The following NRG3 variants were observed in gnomAD, a reference collection of about 807,000 sequenced individuals.
NRG3 encodes neuregulin 3, also known as pro-neuregulin-3, membrane-bound isoform.
Under a neutral mutation model 66.9 loss-of-function variants are expected in NRG3, and 31 were observed. The observed-to-expected ratio is 0.46, with a 90% CI of 0.35 to 0.63. The LOEUF (loss-of-function observed/expected upper bound fraction) is 0.63. NRG3 is among the 20% of genes least tolerant of loss of function. The probability of loss-of-function intolerance (pLI) is 0.00; values close to 1 mark genes in which losing one functional copy is unlikely to be tolerated. For missense variants in NRG3, 910 were observed against 878.9 expected, an observed-to-expected ratio of 1.04 and a Z score of -0.45; for synonymous variants, 393 against 359.4, an observed-to-expected ratio of 1.09 and a Z score of -1.06.
At chr10:82,194,202 A>G (rs1436806883) in intron 1 of NRG3, among the ~76,000 whole-genome samples, 1 of 152,102 alleles carries the variant, frequency 6.6e-6, no homozygotes. Flanking sequence ...TTTAGGCTAC[A>G]TATATGATAT....
chr10:82,299,547 C>CTG (rs1335112916), intron 1 of NRG3, among the ~76,000 whole-genome samples: 1 of 104,938 alleles, frequency 9.5e-6, no homozygotes, highest in African/African-American at 7.4e-5. Context: ...CAATCCAGCC[C>CTG]TGTTTTTTTT....
chr10:82,160,591 T>G (rs1041306406), intron 1 of NRG3, among the ~76,000 whole-genome samples: 1 of 151,876 alleles, frequency 6.6e-6, no homozygotes, highest in African/African-American at 2.4e-5. Context: ...AAGGCATAGT[T>G]CTCTGTTTGC....
chr10:82,946,088 G>C (rs1848990070), intron 4 of NRG3, among the ~76,000 whole-genome samples: 1 of 151,808 alleles, frequency 6.6e-6, no homozygotes, highest in South Asian at 2.1e-4. Context: ...GTGCTGAGGA[G>C]ATAATGATGA....
chr10:82,803,117 T>G (rs1468425373), intron 3 of NRG3, among the ~76,000 whole-genome samples: 1 of 152,154 alleles, frequency 6.6e-6, no homozygotes, highest in East Asian at 1.9e-4. Flanking sequence ...GGGAGGAATT[T>G]TGCATTCAGA....
At chr10:82,333,153 T>C (rs2082220497) in intron 1 of NRG3, among the ~76,000 whole-genome samples, 1 of 152,184 alleles carries the variant, frequency 6.6e-6, no homozygotes, top group Non-Finnish European at 1.5e-5. Flanking sequence ...TGTCTTTTTA[T>C]TCTATATTCG....
chr10:82,843,198 CAT>C (rs1438674730), intron 3 of NRG3: 8 of 448,422 alleles, frequency 1.8e-5, no homozygotes, highest in African/African-American at 1.0e-4. Flanking sequence ...CTCCACAACT[CAT>C]GTGGAAATTT....
intron 2 of NRG3, among the ~76,000 whole-genome samples, chr10:82,720,865 ATC>A (rs4034896): frequency 3.7e-5 from 5 of 134,702 alleles, no homozygotes; most frequent in Non-Finnish European, 4.6e-5. Context: ...GATTAACTGA[ATC>A]TCTCTCTCTC....
chr10:82,474,643 A>G (rs565319650), intron 2 of NRG3, among the ~76,000 whole-genome samples: 29 of 152,288 alleles, frequency 1.9e-4, no homozygotes, highest in African/African-American at 5.8e-4. Flanking sequence ...AAGGGGACCA[A>G]TGTATGTACT....
chr10:82,325,500 T>C (rs1279371336), intron 1 of NRG3, among the ~76,000 whole-genome samples: 1 of 152,218 alleles, frequency 6.6e-6, no homozygotes, highest in East Asian at 1.9e-4. Flanking sequence ...GGGTATTGTT[T>C]GTGTGGTATA....
chr10:82,722,607 A>G (rs2057376885), intron 2 of NRG3, among the ~76,000 whole-genome samples: 1 of 151,924 alleles, frequency 6.6e-6, no homozygotes, highest in Non-Finnish European at 1.5e-5. Flanking sequence ...CTCCTCATTC[A>G]CACCCTGAGC....
chr10:82,394,172 C>T (rs903016789), intron 2 of NRG3, among the ~76,000 whole-genome samples: 4 of 152,142 alleles, frequency 2.6e-5, no homozygotes, highest in African/African-American at 9.7e-5. Flanking sequence ...AGAGCATTTC[C>T]CTTTGGGTTG....
chr10:82,867,231 A>T (rs751398626), intron 4 of NRG3, among the ~76,000 whole-genome samples: 3 of 152,210 alleles, frequency 2.0e-5, no homozygotes, highest in Non-Finnish European at 4.4e-5. Flanking sequence ...TTAGAGATCC[A>T]GGCTTCTTCC....
chr10:82,017,598 CTGT>C (rs1195720537), intron 1 of NRG3, among the ~76,000 whole-genome samples: 1 of 152,038 alleles, frequency 6.6e-6, no homozygotes, highest in Non-Finnish European at 1.5e-5. Context: ...TCTCCAGCAC[CTGT>C]TGTTTCCTGA....
intron 1 of NRG3, among the ~76,000 whole-genome samples, chr10:82,136,718 T>A (rs1488758521): frequency 6.6e-6 from 1 of 152,130 alleles, no homozygotes; most frequent in African/African-American, 2.4e-5. Flanking sequence ...ACCCAAGGGC[T>A]CTTTATTCAG....
intron 1 of NRG3, among the ~76,000 whole-genome samples, chr10:82,113,350 C>T (rs1293897641): frequency 6.6e-6 from 1 of 152,148 alleles, no homozygotes; most frequent in African/African-American, 2.4e-5. Context: ...AGCCCCCGCT[C>T]CTGATCACTA....
intron 2 of NRG3, among the ~76,000 whole-genome samples, chr10:82,389,631 T>G (rs1478786472): frequency 6.6e-6 from 1 of 152,172 alleles, no homozygotes; most frequent in Non-Finnish European, 1.5e-5. Flanking sequence ...GGTGAATATA[T>G]AAGTTAATAT....
intron 1 of NRG3, among the ~76,000 whole-genome samples, chr10:82,098,715 A>AT: frequency 6.6e-6 from 1 of 152,094 alleles, no homozygotes; most frequent in African/African-American, 2.4e-5. Context: ...ATTTGCAAGT[A>AT]TTTTTCCCAA....
chr10:82,190,194 G>T (rs2074057276), intron 1 of NRG3, among the ~76,000 whole-genome samples: 1 of 152,002 alleles, frequency 6.6e-6, no homozygotes, highest in East Asian at 1.9e-4. Context: ...TGAGAGGGTT[G>T]CATTAGAATG....
chr10:82,267,086 A>T (rs1306251752), intron 1 of NRG3, among the ~76,000 whole-genome samples: 1 of 152,178 alleles, frequency 6.6e-6, no homozygotes, highest in Non-Finnish European at 1.5e-5. Flanking sequence ...GATGATTCTT[A>T]TATAGAGCCG....
Sources: gnomAD v4.1 joint callset for allele counts (sites outside exome capture counted in the v4.1 genomes callset) on GRCh38, gnomAD v4.1.1 for gene constraint, MANE v1.5 for transcripts, NCBI Gene and HGNC (gene_info 2026-07-23, HGNC 2026-07-21) for gene names.